The following MALRD1 variants were observed in gnomAD, a reference collection of about 807,000 sequenced individuals.
MALRD1 encodes the protein MAM and LDL receptor class A domain containing 1.
Under a neutral mutation model 242.1 loss-of-function variants are expected in MALRD1, and 247 were observed. The ratio of observed to expected loss-of-function variants is 1.02; its 90% CI spans 0.92 to 1.13. The LOEUF is 1.13. MALRD1 is among the 50% of genes most tolerant of loss of function. The pLI, the probability that MALRD1 is intolerant of heterozygous loss-of-function variation, is 0.00. For missense variants in MALRD1, 2,989 were observed against 2,533.1 expected (o/e 1.18, Z -3.86); for synonymous variants, 995 against 866.6 (o/e 1.15, Z -2.60).
At chr10:19,074,382 A>T (rs1272380982) in intron 2 of MALRD1, among the ~76,000 whole-genome samples, 1 of 151,966 alleles carries the variant, frequency 6.6e-6, no homozygotes, top group Non-Finnish European at 1.5e-5. Flanking sequence ...TCTTGCACAA[A>T]TTCTTTCATT....
At chr10:19,426,424 C>T (rs929088787) in intron 28 of MALRD1, among the ~76,000 whole-genome samples, 4 of 151,996 alleles carry the variant, frequency 2.6e-5, no homozygotes, top group Admixed American at 6.6e-5. Flanking sequence ...AATTTTTTTC[C>T]CATTCAGCAC....
rs185578067 is a variant in MALRD1, at chr10:19,635,566, G to A, written c.6137+19643G>A. Among the ~76,000 whole-genome samples the A allele has an allele frequency of 2.6e-3, 395 of 151,956 alleles. 6 individuals carry two copies. In the East Asian group the frequency reaches 0.058, roughly 22 times the overall value. On this transcript the variant is annotated intron_variant, in intron 36 of 39. Coordinates refer to ENST00000454679, the MANE Select transcript of MALRD1 (RefSeq NM_001142308.3). ...ATTCACTCAGAATGCAACACGGAAA[G>A]AAAAAAAGATTAAAAAATACAGAAG...
At chr10:19,420,062 C>T (rs1383978794) in intron 28 of MALRD1, among the ~76,000 whole-genome samples, 2 of 152,130 alleles carry the variant, frequency 1.3e-5, no homozygotes, top group Non-Finnish European at 2.9e-5. Flanking sequence ...TAGAAGGTTG[C>T]ACCCTTACAG....
intron 29 of MALRD1, among the ~76,000 whole-genome samples, chr10:19,485,147 G>A (rs904724995): frequency 6.6e-6 from 1 of 152,122 alleles, no homozygotes; most frequent in Non-Finnish European, 1.5e-5. Flanking sequence ...GGCATACAGA[G>A]TGGCATAAAG....
intron 33 of MALRD1, among the ~76,000 whole-genome samples, chr10:19,581,355 G>T (rs1396517111): frequency 1.4e-5 from 2 of 143,448 alleles, no homozygotes; most frequent in African/African-American, 5.1e-5. Flanking sequence ...ATCTCCCAAT[G>T]CTATCCCTCC....
At chr10:19,478,925 A>G (rs1288894111) in intron 29 of MALRD1, among the ~76,000 whole-genome samples, 2 of 152,234 alleles carry the variant, frequency 1.3e-5, no homozygotes, top group Non-Finnish European at 1.5e-5. Flanking sequence ...AAAATATTCT[A>G]AGAATCATTT....
chr10:19,168,487 G>T (rs1834792636), intron 13 of MALRD1, among the ~76,000 whole-genome samples: 1 of 152,210 alleles, frequency 6.6e-6, no homozygotes. Context: ...AGAAATATGA[G>T]TTGAAACACA....
At chr10:19,591,041 T>C (rs1228082049) in intron 33 of MALRD1, among the ~76,000 whole-genome samples, 1 of 152,198 alleles carries the variant, frequency 6.6e-6, no homozygotes, top group Admixed American at 6.5e-5. Flanking sequence ...TCTCCTGTGC[T>C]CTACCTATTC....
rs1367438900 is a variant in MALRD1, at chr10:19,209,273, G to A, written c.2584G>A (p.Glu862Lys). 2.0e-6 allele frequency: 3 copies of A among 1,530,024 alleles called. No homozygotes were observed. The highest frequency in any genetic ancestry group is 2.8e-5 in the African/African-American group (2 of 72,114). 94.8% of individuals were successfully genotyped at this position (1,530,024 alleles called of 1,614,324 possible). A position where few individuals can be genotyped will look rare whatever the true frequency, so the allele number is the denominator to read the frequency against. The change falls in exon 18 of 40, where the codon GAG becomes AAG. Residue 862 changes from glutamate to lysine, a missense_variant. Transcript: ENST00000454679. ...TTATTTCATGTGAATTTCAGCACCT[G>A]AGCTGCAGTGTAACTTTGAAACTGG... Reference protein sequence around the residue: ...DRTDEVNCAPELQCNFETGIC... With the variant: ...DRTDEVNCAPKLQCNFETGIC...
At position 19,460,567 on chromosome 10, in the gene MALRD1, T is replaced by C. The variant is rs548632739; in HGVS notation, c.5029+10077T>C. On this transcript the variant is annotated intron_variant, in intron 29 of 39. Coordinates refer to ENST00000454679, the MANE Select transcript of MALRD1 (RefSeq NM_001142308.3). ...TGGAGCAAGCCACTGAAATCATAGG[T>C]AATCTAGTTACCCAGCACTAATATA... is the stretch of plus-strand genomic sequence containing the variant. Among the ~76,000 whole-genome samples the C allele has an allele frequency of 7.9e-5, 12 of 152,180 alleles. No homozygotes were observed. In the South Asian group the frequency reaches 2.5e-3, roughly 32 times the overall value.
chr10:19,671,601 C>T lies in MALRD1; in HGVS notation c.6138-20681C>T, dbSNP rs373552547. Among the ~76,000 whole-genome samples, 61 of 151,862 alleles carry T rather than the reference C, an allele frequency of 4.0e-4. 1 individual carries two copies. Among genetic ancestry groups the T allele is most frequent in the African/African-American group, 1.4e-3 (57 of 41,436 alleles). On this transcript the variant is annotated intron_variant, in intron 36 of 39. Coordinates refer to ENST00000454679, the MANE Select transcript of MALRD1 (RefSeq NM_001142308.3). ...CCACTGCACTCCAGCACTCCAGTCT[C>T]GGTGACACAGCGAGACTCCGTCTCA... is the stretch of plus-strand genomic sequence containing the variant.
rs148000180 is a variant in MALRD1 at position 19,393,858 on chromosome 10, T to C, written c.4845+4249T>C. Among the ~76,000 whole-genome samples the C allele has an allele frequency of 3.5e-4, 53 of 152,212 alleles. No individual in the cohort carries two copies. In the East Asian group the frequency reaches 7.0e-3, roughly 20 times the overall value. Reference sequence around the variant, plus strand: ...CTTTGTTTTCCACAATTTGTTTTCATTGGGTAAAATCTGTCTAGCCTCTAC... The same window carrying C: ...CTTTGTTTTCCACAATTTGTTTTCACTGGGTAAAATCTGTCTAGCCTCTAC... On this transcript the variant is annotated intron_variant, in intron 28 of 39. Coordinates refer to ENST00000454679, the MANE Select transcript of MALRD1 (RefSeq NM_001142308.3).
chr10:19,316,048 A>C (rs1338657037), intron 21 of MALRD1, among the ~76,000 whole-genome samples: 1 of 150,434 alleles, frequency 6.6e-6, no homozygotes, highest in Non-Finnish European at 1.5e-5. Flanking sequence ...CCTCCTTTAT[A>C]TTGGTACTAT....
At chr10:19,327,351 C>T (rs540851796) in intron 22 of MALRD1, among the ~76,000 whole-genome samples, 10 of 152,090 alleles carry the variant, frequency 6.6e-5, no homozygotes, top group African/African-American at 2.2e-4. Flanking sequence ...GATATTCATG[C>T]ACATCTTTAT....
At chr10:19,570,248 C>G (rs1456457241) in intron 33 of MALRD1, among the ~76,000 whole-genome samples, 1 of 152,006 alleles carries the variant, frequency 6.6e-6, no homozygotes, top group Non-Finnish European at 1.5e-5. Flanking sequence ...TTGATTCAGG[C>G]AGATGCTTTT....
chr10:19,644,193 ACTC>A (rs1229707934), intron 36 of MALRD1, among the ~76,000 whole-genome samples: 2 of 151,926 alleles, frequency 1.3e-5, no homozygotes, highest in African/African-American at 4.8e-5. Context: ...ACCCTGATAA[ACTC>A]CTCATCTTCA....
intron 36 of MALRD1, among the ~76,000 whole-genome samples, chr10:19,685,328 G>C (rs907343698): frequency 2.6e-5 from 4 of 151,920 alleles, no homozygotes; most frequent in Admixed American, 2.6e-4. Flanking sequence ...AAATTCCCCA[G>C]CCGTGGCTTG....
At chr10:19,369,626 A>C (rs192549310) in intron 26 of MALRD1, among the ~76,000 whole-genome samples, 220 of 99,604 alleles carry the variant, frequency 2.2e-3, no homozygotes, top group African/African-American at 7.3e-3. Context: ...AATATACATA[A>C]GTATACAGAT....
At chr10:19,380,806 C>T (rs545075596) in intron 26 of MALRD1, among the ~76,000 whole-genome samples, 2 of 152,008 alleles carry the variant, frequency 1.3e-5, no homozygotes, top group South Asian at 4.2e-4. Context: ...TAATATTTAC[C>T]GTCAAGTGTA....
Sources: allele counts gnomAD v4.1 joint callset (sites outside exome capture counted in the v4.1 genomes callset), GRCh38; gene constraint gnomAD v4.1.1; transcripts MANE v1.5; gene names NCBI Gene and HGNC (gene_info 2026-07-23, HGNC 2026-07-21).